Variants in ERC1 observed in about 807,000 individuals in gnomAD.
The protein encoded by ERC1 is ELKS/RAB6-interacting/CAST family member 1.
ERC1 carries 56 observed loss-of-function variants against 132.0 expected under a neutral mutation model. The observed-to-expected ratio is 0.42, with a 90% CI of 0.34 to 0.53. The LOEUF (loss-of-function observed/expected upper bound fraction) is 0.53, where lower values mean the gene tolerates loss of function less well. Among genes scored for constraint, ERC1 ranks in the 20% least tolerant of loss-of-function variants. The pLI, the probability that ERC1 is intolerant of heterozygous loss-of-function variation, is 0.03. For synonymous variants in ERC1, 478 were observed against 476.1 expected, an observed-to-expected ratio of 1.00 and a Z score of -0.05; for missense variants, 1,202 against 1,349.9, an observed-to-expected ratio of 0.89 and a Z score of 1.72.
At chr12:1,060,062 A>G (rs1424598252) in intron 2 of ERC1, among the ~76,000 whole-genome samples, 1 of 152,110 alleles carries the variant, frequency 6.6e-6, no homozygotes, top group Non-Finnish European at 1.5e-5. Context: ...GTCTGTTTTC[A>G]TGCTGGCTGA....
chr12:1,397,076 T>G (rs1343170229), intron 16 of ERC1, among the ~76,000 whole-genome samples: 1 of 152,138 alleles, frequency 6.6e-6, no homozygotes, highest in South Asian at 2.1e-4. Context: ...AAGAAAGAAA[T>G]GTACATGGTC....
At chr12:1,235,673 G>A (rs150973265) in intron 12 of ERC1, among the ~76,000 whole-genome samples, 1 of 152,150 alleles carries the variant, frequency 6.6e-6, no homozygotes, top group African/African-American at 2.4e-5. Flanking sequence ...CATTTAGAAA[G>A]TCAGTACCAT....
intron 1 of ERC1, among the ~76,000 whole-genome samples, chr12:1,012,839 A>G (rs1322489011): frequency 6.6e-6 from 1 of 152,140 alleles, no homozygotes; most frequent in Non-Finnish European, 1.5e-5. Flanking sequence ...TTTTAGAGAG[A>G]TGACATGCAT....
chr12:1,300,934 A>G (rs866274504), intron 15 of ERC1, among the ~76,000 whole-genome samples: 2 of 152,172 alleles, frequency 1.3e-5, no homozygotes, highest in African/African-American at 4.8e-5. Context: ...TGATCCAGCA[A>G]TCCCATCACT....
intron 12 of ERC1, among the ~76,000 whole-genome samples, chr12:1,192,035 C>T (rs573451401): frequency 3.9e-5 from 6 of 152,262 alleles, no homozygotes; most frequent in East Asian, 3.9e-4. Context: ...GCTGAAGTGA[C>T]GTGGTGGTTG....
Position 1,266,391 on chromosome 12 carries a change from C to CTT in ERC1, c.2619+3256_2619+3257dup, listed in dbSNP as rs71293128. ...TATTATTATTTTTATCGTTTCCTGT[C>CTT]TTTTTTTTTTTTTTTTTTTTTTTTT... is the stretch of plus-strand genomic sequence containing the variant. On this transcript the variant is annotated intron_variant, in intron 14 of 18. Coordinates refer to ENST00000360905, the MANE Select transcript of ERC1 (RefSeq NM_178040.4). Among the ~76,000 whole-genome samples, 223 of 43,004 alleles carry CTT rather than the reference C, an allele frequency of 5.2e-3. 69 individuals carry two copies. The highest frequency in any genetic ancestry group is 0.011 in the African/African-American group (96 of 9,062). The allele number at this position is 43,004 out of a possible 152,430, so 28.2% of individuals were successfully genotyped here.
intron 16 of ERC1, 49 bp from the exon 17 acceptor site, chr12:1,408,100 G>A: frequency 1.5e-6 from 2 of 1,294,042 alleles, no homozygotes; most frequent in Non-Finnish European, 2.2e-6. Flanking sequence ...TTTACAGTGT[G>A]TCATAGAAAC....
intron 2 of ERC1, among the ~76,000 whole-genome samples, chr12:1,076,618 C>T (rs562046418): frequency 1.3e-5 from 2 of 152,118 alleles, no homozygotes; most frequent in Non-Finnish European, 2.9e-5. Context: ...TGATCTTGAA[C>T]TCCTGACCTT....
At chr12:1,385,308 A>G (rs556565617) in intron 16 of ERC1, among the ~76,000 whole-genome samples, 1 of 151,598 alleles carries the variant, frequency 6.6e-6, no homozygotes, top group African/African-American at 2.4e-5. Context: ...TTTGAGACGG[A>G]GTCTCGCTCT....
At chr12:1,429,988 C>G (rs1338096806) in intron 17 of ERC1, among the ~76,000 whole-genome samples, 1 of 152,202 alleles carries the variant, frequency 6.6e-6, no homozygotes, top group Non-Finnish European at 1.5e-5. Context: ...TCAGCAGCGT[C>G]TTAGCTGGGC....
intron 6 of ERC1, 106 bp from the exon 7 acceptor site, chr12:1,115,760 G>T: frequency 1.0e-6 from 1 of 980,438 alleles, no homozygotes; most frequent in African/African-American, 1.6e-5. Flanking sequence ...CACACAGTTC[G>T]TGCTGCATTT....
rs1482876038 is a variant in ERC1 at position 1,312,952 on chromosome 12, A to G, written c.2780+22940A>G. The stretch of plus-strand genomic sequence containing the variant: ...ACTTTTGGCAGGTTACAGCAGTATC[A>G]CTTAGGGTTCTCTTAGTTCATTTTT... On this transcript the variant is annotated intron_variant, in intron 15 of 18. Coordinates refer to ENST00000360905, the MANE Select transcript of ERC1 (RefSeq NM_178040.4). Among the ~76,000 whole-genome samples, 5 of 152,114 alleles carry G rather than the reference A, an allele frequency of 3.3e-5. No homozygotes were observed. The East Asian group carries it at 7.7e-4, about 23-fold the overall frequency.
At chr12:1,273,918 T>G (rs1485160796) in intron 14 of ERC1, among the ~76,000 whole-genome samples, 1 of 152,220 alleles carries the variant, frequency 6.6e-6, no homozygotes, top group Non-Finnish European at 1.5e-5. Context: ...ATTTTTTAAA[T>G]TTTTGTTTTT....
At chr12:1,102,897 A>G (rs1047263935) in intron 3 of ERC1, among the ~76,000 whole-genome samples, 2 of 152,202 alleles carry the variant, frequency 1.3e-5, no homozygotes, top group African/African-American at 4.8e-5. Context: ...GTTATGAAAA[A>G]TTTCAAGCCT....
chr12:1,444,136 T>C (rs2093238348), intron 17 of ERC1: 1 of 154,444 alleles, frequency 6.5e-6, no homozygotes, highest in South Asian at 2.0e-4. Context: ...TTGGAGTATA[T>C]GTAGTCCAGG....
At chr12:1,480,846 C>T (rs1407862642) in intron 18 of ERC1, 10 of 702,338 alleles carry the variant, frequency 1.4e-5, no homozygotes, top group Non-Finnish European at 2.6e-5. Context: ...TCCACAGAAT[C>T]CGTTGCATCC....
chr12:1,051,220 G>A (rs1019166577), intron 2 of ERC1, among the ~76,000 whole-genome samples: 1 of 152,072 alleles, frequency 6.6e-6, no homozygotes, highest in Non-Finnish European at 1.5e-5. Flanking sequence ...CCCATCCCCC[G>A]ATTTAATTGG....
chr12:1,476,814 G>A (rs10848474), intron 18 of ERC1, among the ~76,000 whole-genome samples: 58,698 of 152,080 alleles, frequency 0.39, 12,049 homozygotes, highest in African/African-American at 0.51. Flanking sequence ...ATGGGAAAAT[G>A]TAATACATTA....
intron 12 of ERC1, among the ~76,000 whole-genome samples, chr12:1,214,659 TATACATAC>T (rs1266150029): frequency 9.5e-5 from 9 of 94,980 alleles, no homozygotes; most frequent in South Asian, 2.8e-4. Flanking sequence ...TGCGTGTGTG[TATACATAC>T]ACACACACAC....
Sources: allele counts gnomAD v4.1 joint callset (sites outside exome capture counted in the v4.1 genomes callset), GRCh38; gene constraint gnomAD v4.1.1; transcripts MANE v1.5; gene names NCBI Gene and HGNC (gene_info 2026-07-23, HGNC 2026-07-21).